Variants in DRC1 observed in about 807,000 individuals in gnomAD.
DRC1 encodes the protein dynein regulatory complex protein 1.
A neutral mutation model predicts 98.7 loss-of-function variants in DRC1; 74 were observed. That is an observed-to-expected ratio of 0.75 (90% CI 0.62 to 0.91). DRC1 has a LOEUF of 0.91. Among genes scored for constraint, DRC1 ranks in the 40% least tolerant of loss-of-function variants. DRC1 has a pLI of 0.00. For synonymous variants in DRC1, 336 were observed against 334.1 expected (o/e 1.01, Z -0.06); for missense variants, 875 against 886.0 (o/e 0.99, Z 0.16).
rs1664174514 is a variant in DRC1, at chr2:26,456,408, A to G, written c.2167-53A>G. 5 of 1,611,706 alleles carry G rather than the reference A, an allele frequency of 3.1e-6. No homozygotes were observed. The Admixed American group carries it at 5.0e-5, about 16-fold the overall frequency. On this transcript the variant is annotated intron_variant, in intron 16 of 16. Coordinates refer to ENST00000288710, the MANE Select transcript of DRC1 (RefSeq NM_145038.5). The stretch of plus-strand genomic sequence containing the variant: ...AGCCAGCGTGGCTCGCAAGGGTGGC[A>G]AAGAAGGAGGGCCCTGGGAAAAATG...
At chr2:26,429,602 C>T (rs967222400) in intron 4 of DRC1, 26 bp from the exon 5 acceptor site, 2 of 1,610,656 alleles carry the variant, frequency 1.2e-6, no homozygotes, top group Non-Finnish European at 1.7e-6. Flanking sequence ...CAGTTTGTGG[C>T]CAGACTTTTA....
intron 7 of DRC1, among the ~76,000 whole-genome samples, chr2:26,434,096 G>T (rs572046874): frequency 2.0e-5 from 3 of 152,164 alleles, no homozygotes; most frequent in African/African-American, 7.2e-5. Context: ...CATCAAATTT[G>T]CTCTTTGCAA....
In DRC1 at chr2:26,456,524, C is replaced by T. The variant is rs759330295; in HGVS notation, c.*7C>T. ...GCGGGTACCCACAAAATGAGCTGGA[C>T]CGCCAAAGGCTGATGTGTTAGGGCT... is the stretch of plus-strand genomic sequence containing the variant. On this transcript the variant is annotated 3_prime_UTR_variant, in exon 17 of 17. Coordinates refer to ENST00000288710, the MANE Select transcript of DRC1 (RefSeq NM_145038.5). 1.2e-6 allele frequency: 2 copies of T among 1,613,998 alleles called. No individual in the cohort carries two copies. The highest frequency in any genetic ancestry group is 2.7e-5 in the African/African-American group (2 of 74,950).
At chr2:26,412,426 A>G (rs528476425) in intron 1 of DRC1, among the ~76,000 whole-genome samples, 6 of 152,192 alleles carry the variant, frequency 3.9e-5, no homozygotes, top group Non-Finnish European at 8.8e-5. Flanking sequence ...TTGAGGTTTC[A>G]TTTTTCCTAA....
intron 8 of DRC1, among the ~76,000 whole-genome samples, chr2:26,442,695 A>G (rs1419634189): frequency 6.6e-6 from 1 of 152,214 alleles, no homozygotes; most frequent in Non-Finnish European, 1.5e-5. Context: ...GTAACAGTTC[A>G]GCTTGGAGAG....
chr2:26,441,210 G>A (rs1663709426), intron 8 of DRC1, among the ~76,000 whole-genome samples: 1 of 152,164 alleles, frequency 6.6e-6, no homozygotes, highest in Admixed American at 6.5e-5. Context: ...GAGGACCAGA[G>A]TGAAATAAGA....
In DRC1 at chr2:26,418,654, A is replaced by T. The variant is rs867990622; in HGVS notation, c.244-2634A>T. On this transcript the variant is annotated intron_variant, in intron 2 of 16. Transcript: ENST00000288710. The stretch of plus-strand genomic sequence containing the variant: ...TATATATAATTTATATAATATATAA[A>T]TTATATATTATATAAATTAAATATA... Among the ~76,000 whole-genome samples the T allele has an allele frequency of 2.5e-3, 218 of 87,328 alleles. 3 individuals are homozygous for T. The highest frequency in any genetic ancestry group is 9.3e-3 in the African/African-American group (204 of 21,932). The allele number at this position is 87,328 out of a possible 152,430, so 57.3% of individuals were successfully genotyped here.
intron 4 of DRC1, among the ~76,000 whole-genome samples, chr2:26,428,841 G>A (rs962591198): frequency 1.3e-5 from 2 of 152,122 alleles, no homozygotes; most frequent in African/African-American, 2.4e-5. Flanking sequence ...GACCACTGTC[G>A]TATATGTGGT....
At position 26,401,921 on chromosome 2, in the gene DRC1, T is replaced by C. The variant is rs563153740; in HGVS notation, c.-69T>C. On this transcript the variant is annotated 5_prime_UTR_variant, in exon 1 of 17. Coordinates refer to ENST00000288710, the MANE Select transcript of DRC1 (RefSeq NM_145038.5). ...GACCGCTCTCCCTGGCAACGGTTTG[T>C]TCCTAGCAACCAGCCTGAGGTCTGG... is the stretch of plus-strand genomic sequence containing the variant. 6.6e-7 allele frequency: 1 copy of C among 1,511,666 alleles called. No homozygotes were observed. Among genetic ancestry groups the C allele is most frequent in the African/African-American group, 1.4e-5 (1 of 71,484 alleles). 93.6% of individuals were successfully genotyped at this position (1,511,666 alleles called of 1,614,324 possible).
chr2:26,426,227 A>G (rs1211297487), intron 4 of DRC1, among the ~76,000 whole-genome samples: 1 of 152,024 alleles, frequency 6.6e-6, no homozygotes, highest in Non-Finnish European at 1.5e-5. Flanking sequence ...TTCATTTATC[A>G]TTTTGACCCT....
chr2:26,410,811 GAAACA>G (rs1553339846), intron 1 of DRC1, among the ~76,000 whole-genome samples: 1 of 149,678 alleles, frequency 6.7e-6, no homozygotes, highest in Non-Finnish European at 1.5e-5. Flanking sequence ...CTTCCAGAGT[GAAACA>G]AAACAAAACA....
rs574616169 is a variant in DRC1 at position 26,435,857 on chromosome 2, C to T, written c.888+3851C>T. 2.6e-5 allele frequency among the ~76,000 whole-genome samples: 4 copies of T among 151,938 alleles called. No homozygotes were observed. In the East Asian group the frequency reaches 5.8e-4, roughly 22 times the overall value. ...ACCACATTTTAAAAATCCATTCTAC[C>T]GTTGATGGGCATCTAGGTTGATTCC... On this transcript the variant is annotated intron_variant, in intron 7 of 16. Coordinates refer to ENST00000288710, the MANE Select transcript of DRC1 (RefSeq NM_145038.5).
intron 13 of DRC1, among the ~76,000 whole-genome samples, chr2:26,452,509 C>T (rs960382119): frequency 4.6e-5 from 7 of 152,184 alleles, no homozygotes; most frequent in African/African-American, 1.7e-4. Context: ...ATCTGCCCAC[C>T]TTGGCCTCTG....
chr2:26,420,646 A>T (rs1483095206), intron 2 of DRC1, among the ~76,000 whole-genome samples: 1 of 151,996 alleles, frequency 6.6e-6, no homozygotes, highest in Admixed American at 6.6e-5. Flanking sequence ...AACTTACCAC[A>T]GTAGGATACT....
At position 26,454,871 on chromosome 2, in the gene DRC1, T is replaced by C. The variant is rs1027386243; in HGVS notation, c.2063+81T>C. The C allele has an allele frequency of 6.3e-7, 1 of 1,589,452 alleles. No individual in the cohort carries two copies. Among genetic ancestry groups the C allele is most frequent in the Non-Finnish European group, 8.6e-7 (1 of 1,164,102 alleles). On this transcript the variant is annotated intron_variant, in intron 15 of 16. Transcript: ENST00000288710. The surrounding 1 kb of genome is among the most constrained non-coding windows in gnomAD (Gnocchi z 5.2). Reference sequence around the variant, plus strand: ...GTTGGGAGCAGCCGCGTTTGCTGCCTCCCTGTCCCACTGAACCTGGGAGGG... The same window carrying C: ...GTTGGGAGCAGCCGCGTTTGCTGCCCCCCTGTCCCACTGAACCTGGGAGGG...
rs74642514 is a variant in DRC1, at chr2:26,442,928, G to A, written c.1029-1294G>A. Among the ~76,000 whole-genome samples, 891 of 152,170 alleles carry A rather than the reference G, an allele frequency of 5.9e-3. 20 individuals are homozygous for A. In the East Asian group the frequency reaches 0.074, roughly 13 times the overall value. On this transcript the variant is annotated intron_variant, in intron 8 of 16. Transcript: ENST00000288710. ...ACCTGGAGTTTGTTTTGTTAGCTTC[G>A]GTAATTAGATGACACATAGGAACTC...
chr2:26,418,166 G>C (rs1678876259), intron 2 of DRC1, among the ~76,000 whole-genome samples: 1 of 151,920 alleles, frequency 6.6e-6, no homozygotes, highest in Non-Finnish European at 1.5e-5. Context: ...GAGTCCGATG[G>C]GAGCCAAAAT....
At chr2:26,445,858 C>A (rs1425602944) in intron 10 of DRC1, among the ~76,000 whole-genome samples, 1 of 151,952 alleles carries the variant, frequency 6.6e-6, no homozygotes, top group African/African-American at 2.4e-5. Context: ...CAGGGTTTCA[C>A]CATATTGGCC....
chr2:26,418,950 A>C (rs1023678057), intron 2 of DRC1, among the ~76,000 whole-genome samples: 2 of 148,796 alleles, frequency 1.3e-5, no homozygotes, highest in African/African-American at 5.0e-5. Context: ...GTACAGTTGC[A>C]TGATCTCAGC....
Sources: gnomAD v4.1 joint callset for allele counts (sites outside exome capture counted in the v4.1 genomes callset) on GRCh38, gnomAD v4.1.1 for gene constraint, Gnocchi (gnomAD v3.1) non-coding constraint, MANE v1.5 for transcripts, NCBI Gene and HGNC (gene_info 2026-07-23, HGNC 2026-07-21) for gene names.